The following PGM1 variants were observed in gnomAD, a reference collection of about 807,000 sequenced individuals.
PGM1 encodes phosphoglucomutase-1.
Under a neutral mutation model 55.6 loss-of-function variants are expected in PGM1, and 52 were observed. That is an observed-to-expected ratio of 0.94 (90% CI 0.75 to 1.18). PGM1 has a LOEUF of 1.18. PGM1 is among the 50% of genes most tolerant of loss of function. PGM1 has a pLI of 0.00. For missense variants in PGM1, 724 were observed against 729.3 expected, an observed-to-expected ratio of 0.99 and a Z score of 0.08; for synonymous variants, 287 against 271.7, an observed-to-expected ratio of 1.06 and a Z score of -0.55.
At chr1:63,649,040 T>C (rs1649734113) in intron 8 of PGM1, among the ~76,000 whole-genome samples, 1 of 152,202 alleles carries the variant, frequency 6.6e-6, no homozygotes, top group Non-Finnish European at 1.5e-5. Flanking sequence ...TCTGTAGAAA[T>C]GGGAATAACA....
intron 7 of PGM1, among the ~76,000 whole-genome samples, chr1:63,647,261 T>C (rs1179466378): frequency 2.1e-5 from 1 of 48,470 alleles, no homozygotes; most frequent in Non-Finnish European, 4.1e-5. Context: ...AAATTTTACA[T>C]ATATATATAT....
rs147971989 is a variant in PGM1 at position 63,631,672 on chromosome 1, C to T, written c.572C>T (p.Ser191Leu). The change falls in exon 4 of 11, where the codon TCG becomes TTG. Residue 191 changes from serine to leucine, a missense_variant. Physicochemically the swap from Ser to Leu is moderately radical, Grantham distance 145. Coordinates refer to ENST00000371084, the MANE Select transcript of PGM1 (RefSeq NM_002633.3). ...GTTCTCACAGTGGAAATTGTGGATT[C>T]GGTAGAAGCTTATGCTACAATGCTG... ...FKPFTVEIVDSVEAYATMLRS... is the reference protein window; with the variant it reads ...FKPFTVEIVDLVEAYATMLRS... 1.3e-4 allele frequency: 202 copies of T among 1,613,130 alleles called. No individual in the cohort carries two copies. In the African/African-American group the frequency reaches 2.2e-3, roughly 18 times the overall value.
In PGM1 at chr1:63,629,997, A is replaced by G; in HGVS notation, c.465A>G (p.Glu155=). The G allele has an allele frequency of 6.2e-7, 1 of 1,614,042 alleles. No individual in the cohort carries two copies. Among genetic ancestry groups the G allele is most frequent in the Non-Finnish European group, 8.5e-7 (1 of 1,179,940 alleles). Residue 155 remains glutamate, a synonymous_variant, in exon 3 of 11, where the codon GAA becomes GAG. Coordinates refer to ENST00000371084, the MANE Select transcript of PGM1 (RefSeq NM_002633.3). ...DKIFQISKTI[E]EYAVCPDLKV... The stretch of plus-strand genomic sequence containing the variant: ...TTTTCCAAATCAGCAAGACAATTGA[A>G]GAATATGCAGTTTGCCCTGACCTGA...
chr1:63,647,259 C>CATATATATATATATATAT lies in PGM1; in HGVS notation c.1145-1226_1145-1209dup, dbSNP rs55760196. 4.3e-4 allele frequency among the ~76,000 whole-genome samples: 24 copies of CATATATATATATATATAT among 55,378 alleles called. 2 individuals are homozygous for CATATATATATATATATAT. The highest frequency in any genetic ancestry group is 6.4e-4 in the Non-Finnish European group (19 of 29,546). 36.3% of individuals were successfully genotyped at this position (55,378 alleles called of 152,430 possible). A position where few individuals can be genotyped will look rare whatever the true frequency, so the allele number is the denominator to read the frequency against. Reference sequence around the variant, plus strand: ...CTCCGTCTCAAAAAATAAAATTTTACATATATATATATATATATATATATA... The same window carrying CATATATATATATATATAT: ...CTCCGTCTCAAAAAATAAAATTTTACATATATATATATATATATATATATATATATATATATATATATA... On this transcript the variant is annotated intron_variant, in intron 7 of 10. Coordinates refer to ENST00000371084, the MANE Select transcript of PGM1 (RefSeq NM_002633.3).
At chr1:63,621,494 CA>C (rs1468908219) in intron 1 of PGM1, among the ~76,000 whole-genome samples, 2 of 152,130 alleles carry the variant, frequency 1.3e-5, no homozygotes, top group Non-Finnish European at 2.9e-5. Context: ...TCGGATATGT[CA>C]AGACACACAT....
intron 1 of PGM1, among the ~76,000 whole-genome samples, chr1:63,611,433 G>C (rs868251688): frequency 6.6e-6 from 1 of 152,088 alleles, no homozygotes; most frequent in Non-Finnish European, 1.5e-5. Context: ...GAGGGAGGCC[G>C]CCGGTGACTC....
At chr1:63,649,609 T>G (rs1649752322) in intron 8 of PGM1, among the ~76,000 whole-genome samples, 1 of 152,246 alleles carries the variant, frequency 6.6e-6, no homozygotes, top group Non-Finnish European at 1.5e-5. Context: ...TCCCAGATTT[T>G]ATAGTCCGTG....
intron 1 of PGM1, among the ~76,000 whole-genome samples, chr1:63,609,254 G>T (rs1648504137): frequency 6.6e-6 from 1 of 152,212 alleles, no homozygotes; most frequent in African/African-American, 2.4e-5. Context: ...GGATATTTCA[G>T]GATGGATCTG....
intron 10 of PGM1, among the ~76,000 whole-genome samples, chr1:63,656,798 A>T (rs2101005461): frequency 6.6e-6 from 1 of 152,274 alleles, no homozygotes; most frequent in Admixed American, 6.5e-5. Flanking sequence ...ATAGAAACAG[A>T]GCAGAAAGGG....
In PGM1 at chr1:63,593,493, T is replaced by G. The variant is rs1647925458; in HGVS notation, c.5T>G (p.Val2Gly). Residue 2 changes from valine (V) to glycine (G), a missense_variant, in exon 1 of 11, where the codon GTG (valine) becomes GGG (glycine). Val to Gly is a moderately radical substitution (Grantham distance 109, BLOSUM62 -3). Transcript: ENST00000371084. ...CCCCGGCAGCAAGTCGCCACCATGG[T>G]GAAGATCGTGACAGTTAAGACCCAG... M[V>G]KIVTVKTQAY... The G allele has an allele frequency of 3.1e-6, 5 of 1,613,574 alleles. No homozygotes were observed. Among genetic ancestry groups the G allele is most frequent in the Non-Finnish European group, 4.2e-6 (5 of 1,179,856 alleles).
At chr1:63,636,491 C>T (rs563363757) in intron 6 of PGM1, 103 bp downstream of exon 6, 224 of 1,138,916 alleles carry the variant, frequency 2.0e-4, no homozygotes, top group Middle Eastern at 2.8e-4. Context: ...TCAGCATGGG[C>T]ATCTGATGCA....
intron 7 of PGM1, among the ~76,000 whole-genome samples, chr1:63,644,891 A>C (rs977016284): frequency 6.6e-6 from 1 of 152,180 alleles, no homozygotes; most frequent in Non-Finnish European, 1.5e-5. Context: ...GTAGTTTACA[A>C]GTAACAGAGC....
chr1:63,598,668 GT>G (rs1287715642), intron 1 of PGM1, among the ~76,000 whole-genome samples: 1 of 152,152 alleles, frequency 6.6e-6, no homozygotes, highest in Non-Finnish European at 1.5e-5. Context: ...AATAAAGATT[GT>G]TTTGTTTATT....
chr1:63,649,714 C>T (rs1413777442), intron 8 of PGM1, among the ~76,000 whole-genome samples: 1 of 152,226 alleles, frequency 6.6e-6, no homozygotes, highest in African/African-American at 2.4e-5. Flanking sequence ...TGATCTCTTT[C>T]TCTCTCACGT....
intron 1 of PGM1, among the ~76,000 whole-genome samples, chr1:63,599,482 G>T (rs1000290199): frequency 1.4e-5 from 2 of 143,146 alleles, no homozygotes; most frequent in Non-Finnish European, 3.0e-5. Flanking sequence ...TTTTTAACAT[G>T]CTGTAACCCC....
intron 9 of PGM1, among the ~76,000 whole-genome samples, chr1:63,653,755 T>C (rs948799779): frequency 1.3e-5 from 2 of 152,178 alleles, no homozygotes; most frequent in African/African-American, 4.8e-5. Context: ...GGACCTCGCT[T>C]TGGGTCCATC....
At chr1:63,604,298 G>A (rs552519160) in intron 1 of PGM1, among the ~76,000 whole-genome samples, 13 of 152,284 alleles carry the variant, frequency 8.5e-5, no homozygotes, top group African/African-American at 3.1e-4. Flanking sequence ...GTGGAATATT[G>A]TGGGTCAGCA....
intron 4 of PGM1, among the ~76,000 whole-genome samples, chr1:63,633,928 A>T (rs1229549446): frequency 2.8e-4 from 18 of 64,370 alleles, no homozygotes; most frequent in African/African-American, 1.6e-3. Context: ...GTATATATAT[A>T]TATATTTTTT....
chr1:63,643,404 G>C (rs1384433059), intron 7 of PGM1, among the ~76,000 whole-genome samples: 2 of 152,186 alleles, frequency 1.3e-5, no homozygotes, highest in African/African-American at 4.8e-5. Context: ...CAGAGTTCCT[G>C]CTTATCAGGC....
Sources: allele counts gnomAD v4.1 joint callset (sites outside exome capture counted in the v4.1 genomes callset), GRCh38; gene constraint gnomAD v4.1.1; transcripts MANE v1.5; gene names NCBI Gene and HGNC (gene_info 2026-07-23, HGNC 2026-07-21).